The following DTNA variants were observed in gnomAD, a reference collection of about 807,000 sequenced individuals.
DTNA encodes dystrophin-related protein 3.
In DTNA, 43 loss-of-function variants were observed where a neutral mutation model predicts 100.7. That is an observed-to-expected ratio of 0.43 (90% confidence interval 0.33 to 0.55). DTNA has a LOEUF of 0.55. Among genes scored for constraint, DTNA ranks in the 20% least tolerant of loss-of-function variants. The probability of loss-of-function intolerance (pLI) is 0.04; values close to 1 mark genes in which losing one functional copy is unlikely to be tolerated. For synonymous variants in DTNA, 349 were observed against 347.9 expected (o/e 1.00, Z -0.04); for missense variants, 798 against 953.9 (o/e 0.84, Z 2.15).
At position 34,875,239 on chromosome 18, in the gene DTNA, A is replaced by T. The variant is rs759809090; in HGVS notation, c.1744A>T (p.Thr582Ser). 1.2e-6 allele frequency: 2 copies of T among 1,613,724 alleles called. No individual in the cohort carries two copies. Among genetic ancestry groups the T allele is most frequent in the South Asian group, 2.2e-5 (2 of 91,062 alleles). The change falls in exon 18 of 23, where the codon ACT (threonine) becomes TCT (serine). Residue 582 changes from threonine to serine, a missense_variant and splice_region_variant. Physicochemically the swap from Thr to Ser is moderately conservative, Grantham distance 58 (BLOSUM62 1). Around this residue, in one of 6 missense-constraint regions of DTNA, gnomAD observed 242 missense variants for 238.2 expected, o/e 1.02. Transcript: ENST00000444659. ...QLEGLMKLLK[T>S]QGAGSPRSSP... ...TTAATGACCTGCATTGTCTCTCCAG[A>T]CTCAGGGGGCAGGCTCTCCCCGCTC...
At chr18:34,644,850 G>A (rs543020757) in intron 1 of DTNA, among the ~76,000 whole-genome samples, 3 of 152,152 alleles carry the variant, frequency 2.0e-5, no homozygotes, top group South Asian at 2.1e-4. Flanking sequence ...ATGAAAAGAC[G>A]ACATAATATT....
At chr18:34,783,170 A>T (rs1019399696) in intron 3 of DTNA, among the ~76,000 whole-genome samples, 1 of 152,208 alleles carries the variant, frequency 6.6e-6, no homozygotes, top group African/African-American at 2.4e-5. Flanking sequence ...ATAATACTTT[A>T]AAAATAATGG....
chr18:34,507,116 A>C (rs1001496811), intron 1 of DTNA, among the ~76,000 whole-genome samples: 1 of 152,138 alleles, frequency 6.6e-6, no homozygotes, highest in African/African-American at 2.4e-5. Context: ...GACCACAGGC[A>C]GGTACCCTTA....
intron 1 of DTNA, among the ~76,000 whole-genome samples, chr18:34,619,051 G>A (rs372776388): frequency 6.6e-6 from 1 of 152,158 alleles, no homozygotes; most frequent in Admixed American, 6.5e-5. Flanking sequence ...AGGCAGATTT[G>A]CGTTTGTGTG....
At chr18:34,493,679 A>G (rs2038792157) in intron 1 of DTNA, among the ~76,000 whole-genome samples, 1 of 146,988 alleles carries the variant, frequency 6.8e-6, no homozygotes, top group South Asian at 2.2e-4. Flanking sequence ...GGTGCACATG[A>G]CGCGCAGCCC....
chr18:34,552,533 C>G (rs1349687101), intron 1 of DTNA, among the ~76,000 whole-genome samples: 1 of 121,646 alleles, frequency 8.2e-6, no homozygotes, highest in Non-Finnish European at 1.7e-5. Flanking sequence ...CCCCCCTCCC[C>G]CCACCCCACC....
At chr18:34,813,070 A>G (rs146182687) in intron 6 of DTNA, among the ~76,000 whole-genome samples, 257 of 152,308 alleles carry the variant, frequency 1.7e-3, no homozygotes, top group Admixed American at 6.3e-3. Flanking sequence ...CTGGTCATGT[A>G]GAGAGACTCC....
intron 1 of DTNA, among the ~76,000 whole-genome samples, chr18:34,700,983 A>G (rs2081287549): frequency 6.6e-6 from 1 of 152,114 alleles, no homozygotes; most frequent in Admixed American, 6.5e-5. Context: ...TACACTCTGT[A>G]TCCTATCTCC....
At chr18:34,578,596 T>C (rs2048335893) in intron 1 of DTNA, among the ~76,000 whole-genome samples, 1 of 152,210 alleles carries the variant, frequency 6.6e-6, no homozygotes, top group African/African-American at 2.4e-5. Flanking sequence ...ATTTGCATAG[T>C]TTAAGATCTT....
chr18:34,665,700 T>C (rs2075824735), intron 1 of DTNA, among the ~76,000 whole-genome samples: 2 of 152,194 alleles, frequency 1.3e-5, no homozygotes, highest in East Asian at 3.9e-4. Flanking sequence ...TGCGATAGTT[T>C]GCTGAGAATG....
chr18:34,587,432 G>C (rs887845105), intron 1 of DTNA, among the ~76,000 whole-genome samples: 1 of 151,938 alleles, frequency 6.6e-6, no homozygotes, highest in African/African-American at 2.4e-5. Flanking sequence ...GAAATGCTGT[G>C]CCTGTTCTTT....
intron 1 of DTNA, among the ~76,000 whole-genome samples, chr18:34,510,475 C>T (rs947958173): frequency 7.9e-5 from 12 of 151,936 alleles, no homozygotes; most frequent in African/African-American, 2.4e-4. Flanking sequence ...TCAGCTTTCC[C>T]TCCTCCCTGT....
At chr18:34,504,474 C>G (rs1434375724) in intron 1 of DTNA, among the ~76,000 whole-genome samples, 1 of 151,960 alleles carries the variant, frequency 6.6e-6, no homozygotes, top group Non-Finnish European at 1.5e-5. Context: ...TTATTGTTTC[C>G]TTTTTGTTTT....
chr18:34,783,221 ATT>A (rs2094398760), intron 3 of DTNA, among the ~76,000 whole-genome samples: 1 of 152,160 alleles, frequency 6.6e-6, no homozygotes, highest in Non-Finnish European at 1.5e-5. Flanking sequence ...TTTAGATTTA[ATT>A]TATAGTGTGA....
At chr18:34,863,037 T>C (rs754621411) in intron 16 of DTNA, among the ~76,000 whole-genome samples, 4 of 152,218 alleles carry the variant, frequency 2.6e-5, no homozygotes, top group Non-Finnish European at 5.9e-5. Flanking sequence ...TTTTAGTATG[T>C]AAGTATGAAT....
chr18:34,497,509 T>C (rs527668616), intron 1 of DTNA, among the ~76,000 whole-genome samples: 129 of 151,816 alleles, frequency 8.5e-4, no homozygotes, highest in African/African-American at 3.0e-3. Flanking sequence ...ACGGGGAGAG[T>C]AACCTTAACC....
intron 1 of DTNA, among the ~76,000 whole-genome samples, chr18:34,652,421 A>G (rs2060565589): frequency 6.6e-6 from 1 of 151,890 alleles, no homozygotes; most frequent in African/African-American, 2.4e-5. Flanking sequence ...TTCCTCACAT[A>G]CCCCACCCAC....
intron 1 of DTNA, among the ~76,000 whole-genome samples, chr18:34,712,051 C>G (rs1454769612): frequency 6.6e-6 from 1 of 151,850 alleles, no homozygotes; most frequent in Non-Finnish European, 1.5e-5. Flanking sequence ...AAGATGGTAC[C>G]TGGTAAACTA....
At chr18:34,672,437 A>G (rs1205511478) in intron 1 of DTNA, among the ~76,000 whole-genome samples, 1 of 152,178 alleles carries the variant, frequency 6.6e-6, no homozygotes, top group Non-Finnish European at 1.5e-5. Flanking sequence ...TATTTTTCTG[A>G]TATTTTGGGA....
Sources: gnomAD v4.1 joint callset for allele counts (sites outside exome capture counted in the v4.1 genomes callset) on GRCh38, gnomAD v4.1.1 for gene constraint, gnomAD v4.1.1 regional missense constraint, MANE v1.5 for transcripts, NCBI Gene and HGNC (gene_info 2026-07-23, HGNC 2026-07-21) for gene names.